PHKB: variants seen among roughly 807,000 people sequenced by gnomAD.
PHKB encodes phosphorylase b kinase regulatory subunit beta.
A neutral mutation model predicts 152.1 loss-of-function variants in PHKB; 122 were observed. The observed-to-expected ratio is 0.80, with a 90% CI of 0.69 to 0.93. The LOEUF (loss-of-function observed/expected upper bound fraction) is 0.93. Among genes scored for constraint, PHKB ranks in the 40% least tolerant of loss-of-function variants. The pLI, the probability that PHKB is intolerant of heterozygous loss-of-function variation, is 0.00. For synonymous variants in PHKB, 436 were observed against 464.9 expected (o/e 0.94, Z 0.80); for missense variants, 1,304 against 1,328.4 (o/e 0.98, Z 0.29).
intron 16 of PHKB, among the ~76,000 whole-genome samples, chr16:47,643,909 C>T (rs930300672): frequency 3.3e-5 from 5 of 151,988 alleles, no homozygotes; most frequent in African/African-American, 4.8e-5. Flanking sequence ...TATGTATTTC[C>T]GGGTAGTTTC....
chr16:47,694,782 A>T (rs895483491), intron 28 of PHKB, among the ~76,000 whole-genome samples: 2 of 152,112 alleles, frequency 1.3e-5, no homozygotes, highest in Non-Finnish European at 2.9e-5. Flanking sequence ...CTGTCTGCCT[A>T]CCTGGGCAGT....
chr16:47,546,650 C>T (rs1484448941), intron 6 of PHKB, among the ~76,000 whole-genome samples: 2 of 152,200 alleles, frequency 1.3e-5, no homozygotes, highest in African/African-American at 4.8e-5. Context: ...AGCTGTTGGA[C>T]TGGGACGTTT....
chr16:47,466,855 C>T (rs1969677915), intron 1 of PHKB, among the ~76,000 whole-genome samples: 1 of 152,094 alleles, frequency 6.6e-6, no homozygotes. Context: ...AGAACACAGG[C>T]CCGAGTCTCC....
intron 6 of PHKB, among the ~76,000 whole-genome samples, chr16:47,540,819 GTTTTTTTTTTTT>G (rs75589113): frequency 3.1e-5 from 2 of 64,284 alleles, no homozygotes; most frequent in Non-Finnish European, 5.5e-5. Context: ...TAAATGTCCT[GTTTTTTTTTTTT>G]TTTTTTTTTT....
rs1043960499 is a variant in PHKB at position 47,473,218 on chromosome 16, ATTTTT to A, written c.76+11822_76+11826del. Among the ~76,000 whole-genome samples, 84 of 48,722 alleles carry A rather than the reference ATTTTT, an allele frequency of 1.7e-3. No individual in the cohort carries two copies. The East Asian group carries it at 0.022, about 13-fold the overall frequency. The allele number at this position is 48,722 out of a possible 152,430, so 32.0% of individuals were successfully genotyped here. On this transcript the variant is annotated intron_variant, in intron 1 of 30. Coordinates refer to ENST00000323584, the MANE Select transcript of PHKB (RefSeq NM_000293.3). Reference sequence around the variant, plus strand: ...AGGTGTGCACTACCATGCCTGGCTAATTTTTTTTTTTTTTTTTTTTTTTTTTTTTT... The same window carrying A: ...AGGTGTGCACTACCATGCCTGGCTAATTTTTTTTTTTTTTTTTTTTTTTTT...
chr16:47,699,414 T>A lies in PHKB; in HGVS notation c.*48T>A. 6.2e-7 allele frequency: 1 copy of A among 1,606,410 alleles called. No individual in the cohort carries two copies. The highest frequency in any genetic ancestry group is 8.5e-7 in the Non-Finnish European group (1 of 1,173,022). ...GTTGAGACACATGTTCTGAAGTGTG[T>A]TGTGTTTCATGTTCAAGCTTAATCA... is the stretch of plus-strand genomic sequence containing the variant. On this transcript the variant is annotated 3_prime_UTR_variant, in exon 31 of 31. Transcript: ENST00000323584.
chr16:47,693,311 T>G (rs1056382278), intron 27 of PHKB, 67 bp from the exon 28 acceptor site: 2 of 1,546,278 alleles, frequency 1.3e-6, no homozygotes, highest in Non-Finnish European at 1.8e-6. Flanking sequence ...TAGTTCATAT[T>G]GAAAGCCCTG....
chr16:47,484,499 A>G (rs1970017692), intron 1 of PHKB, among the ~76,000 whole-genome samples: 1 of 152,218 alleles, frequency 6.6e-6, no homozygotes, highest in Non-Finnish European at 1.5e-5. Flanking sequence ...GCATATACAA[A>G]TAATTTTGGA....
At chr16:47,644,523 T>G (rs1242721856) in intron 16 of PHKB, among the ~76,000 whole-genome samples, 1 of 152,216 alleles carries the variant, frequency 6.6e-6, no homozygotes, top group Non-Finnish European at 1.5e-5. Flanking sequence ...GCAACACCAC[T>G]AATTTTGTAT....
intron 20 of PHKB, among the ~76,000 whole-genome samples, chr16:47,652,625 T>G (rs187144704): frequency 4.6e-4 from 70 of 152,006 alleles, no homozygotes; most frequent in Admixed American, 1.6e-3. Context: ...GGTTGTTTTT[T>G]TTGTTGTTGT....
At chr16:47,660,484 A>C (rs1597158236) in intron 20 of PHKB, 22 bp from the exon 21 acceptor site, 1 of 1,602,492 alleles carries the variant, frequency 6.2e-7, no homozygotes, top group Admixed American at 1.7e-5. Flanking sequence ...AGAGTTTCTA[A>C]TCTTTTTCGA....
At chr16:47,515,279 T>C (rs1258161387) in intron 5 of PHKB, among the ~76,000 whole-genome samples, 1 of 152,248 alleles carries the variant, frequency 6.6e-6, no homozygotes, top group Non-Finnish European at 1.5e-5. Flanking sequence ...ACAGTTTTAT[T>C]TGAAGCCGTT....
chr16:47,602,860 G>A (rs1357417315), intron 13 of PHKB, among the ~76,000 whole-genome samples: 5 of 151,950 alleles, frequency 3.3e-5, no homozygotes, highest in Non-Finnish European at 7.4e-5. Context: ...ATTTATAGAG[G>A]CCTACTCTTT....
chr16:47,557,347 C>G (rs1189627560), intron 7 of PHKB, among the ~76,000 whole-genome samples: 1 of 152,098 alleles, frequency 6.6e-6, no homozygotes, highest in Non-Finnish European at 1.5e-5. Context: ...TCTAAAACAC[C>G]AAAAGCAATG....
chr16:47,494,959 T>A (rs1970207226), intron 1 of PHKB, among the ~76,000 whole-genome samples: 1 of 152,194 alleles, frequency 6.6e-6, no homozygotes, highest in African/African-American at 2.4e-5. Context: ...TTTATGTAGT[T>A]ACTTTAGAAA....
chr16:47,496,704 G>A (rs1463690691), intron 1 of PHKB, among the ~76,000 whole-genome samples: 1 of 152,194 alleles, frequency 6.6e-6, no homozygotes, highest in African/African-American at 2.4e-5. Context: ...CTAGTCAAGT[G>A]AACAATTTTC....
At chr16:47,593,370 G>A (rs1413543761) in intron 10 of PHKB, 130 bp from the exon 11 acceptor site, 1 of 626,222 alleles carries the variant, frequency 1.6e-6, no homozygotes, top group South Asian at 1.8e-5. Flanking sequence ...AGCCCAGGAG[G>A]GCAAGGCTGC....
At chr16:47,499,688 T>C (rs1056622404) in intron 2 of PHKB, 68 bp from the exon 3 acceptor site, 157 of 1,586,190 alleles carry the variant, frequency 9.9e-5, no homozygotes, top group Non-Finnish European at 1.2e-4. Context: ...CCAAAGAAGA[T>C]TAAAACATTT....
At chr16:47,462,038 C>T (rs955852796) in intron 1 of PHKB, 3 of 152,538 alleles carry the variant, frequency 2.0e-5, no homozygotes, top group African/African-American at 7.2e-5. Flanking sequence ...GGTTTCCAAA[C>T]CCGAAAGCAT....
Sources: gnomAD v4.1 joint callset for allele counts (sites outside exome capture counted in the v4.1 genomes callset) on GRCh38, gnomAD v4.1.1 for gene constraint, MANE v1.5 for transcripts, NCBI Gene and HGNC (gene_info 2026-07-23, HGNC 2026-07-21) for gene names.